MICU1: variants seen among roughly 807,000 people sequenced by gnomAD.
MICU1 encodes calcium uptake protein 1, mitochondrial.
Under a neutral mutation model 56.8 loss-of-function variants are expected in MICU1, and 45 were observed. The observed-to-expected ratio is 0.79, with a 90% CI of 0.62 to 1.02. The LOEUF is 1.02. Ranked by LOEUF, MICU1 falls within the 50% of genes least tolerant of loss-of-function variation. The pLI, the probability that MICU1 is intolerant of heterozygous loss-of-function variation, is 0.00. For missense variants in MICU1, 504 were observed against 587.1 expected (o/e 0.86, Z 1.46); for synonymous variants, 186 against 195.1 (o/e 0.95, Z 0.39).
At position 72,529,819 on chromosome 10, in the gene MICU1, T is replaced by C. The variant is rs1326665874; in HGVS notation, c.537+3927A>G. On this transcript the variant is annotated intron_variant, in intron 5 of 11. Transcript: ENST00000361114. ...TTTGTTTTATATGCCAACTAGATGG[T>C]AAAATCATAAAAGATGATAAATGAA... Among the ~76,000 whole-genome samples, 3 of 151,618 alleles carry C rather than the reference T, an allele frequency of 2.0e-5. No homozygotes were observed. The East Asian group carries it at 5.8e-4, about 29-fold the overall frequency.
intron 3 of MICU1, among the ~76,000 whole-genome samples, chr10:72,551,685 G>A (rs919894924): frequency 6.6e-6 from 1 of 152,156 alleles, no homozygotes; most frequent in Non-Finnish European, 1.5e-5. Context: ...GAAGATTTCA[G>A]TAATAGGGTA....
intron 1 of MICU1, among the ~76,000 whole-genome samples, chr10:72,620,494 C>T (rs959614112): frequency 3.3e-5 from 5 of 152,146 alleles, no homozygotes; most frequent in Non-Finnish European, 7.3e-5. Context: ...CCAAGCACTT[C>T]AAGTTTTAAA....
At chr10:72,493,566 C>A (rs1866738277) in intron 6 of MICU1, among the ~76,000 whole-genome samples, 2 of 152,152 alleles carry the variant, frequency 1.3e-5, no homozygotes, top group African/African-American at 4.8e-5. Flanking sequence ...GATTCTCCCA[C>A]CTCAGCCTCC....
At chr10:72,578,184 T>G (rs776725971) in intron 1 of MICU1, among the ~76,000 whole-genome samples, 10 of 152,180 alleles carry the variant, frequency 6.6e-5, no homozygotes, top group Non-Finnish European at 1.2e-4. Flanking sequence ...GCCATCAACA[T>G]GGAGGCAAGA....
intron 6 of MICU1, among the ~76,000 whole-genome samples, chr10:72,493,775 T>C (rs1423286322): frequency 6.6e-6 from 1 of 152,148 alleles, no homozygotes; most frequent in African/African-American, 2.4e-5. Context: ...TCTAGTTTAT[T>C]TTTTGACCGT....
intron 8 of MICU1, among the ~76,000 whole-genome samples, chr10:72,441,942 A>G (rs562991091): frequency 6.6e-6 from 1 of 152,164 alleles, no homozygotes; most frequent in South Asian, 2.1e-4. Flanking sequence ...TTAAAAAGCA[A>G]CTTGAGAGAG....
chr10:72,613,950 G>C (rs1413883803), intron 1 of MICU1, among the ~76,000 whole-genome samples: 1 of 152,126 alleles, frequency 6.6e-6, no homozygotes, highest in Admixed American at 6.5e-5. Context: ...TTCAAGACCA[G>C]CCTGGCCAAT....
At chr10:72,385,069 G>A (rs527776308) in intron 10 of MICU1, among the ~76,000 whole-genome samples, 4 of 152,220 alleles carry the variant, frequency 2.6e-5, no homozygotes, top group South Asian at 2.1e-4. Flanking sequence ...TTGAGTCCTC[G>A]ATGTAATTCT....
At chr10:72,484,382 C>T (rs566316244) in intron 6 of MICU1, among the ~76,000 whole-genome samples, 26 of 151,370 alleles carry the variant, frequency 1.7e-4, no homozygotes, top group Non-Finnish European at 2.9e-5. Flanking sequence ...AAAAAAAATT[C>T]TCCTGGTGAA....
intron 1 of MICU1, among the ~76,000 whole-genome samples, chr10:72,625,468 G>C (rs376689626): frequency 1.3e-5 from 2 of 152,304 alleles, no homozygotes; most frequent in African/African-American, 4.8e-5. Context: ...AAAACAGGGA[G>C]AACGTAATGA....
chr10:72,623,436 C>CT (rs1842158010), intron 1 of MICU1, among the ~76,000 whole-genome samples: 1 of 151,262 alleles, frequency 6.6e-6, no homozygotes, highest in African/African-American at 2.4e-5. Flanking sequence ...TTGAGTAAAC[C>CT]TTTTTAAAAA....
At chr10:72,585,309 T>C (rs1191040959) in intron 1 of MICU1, among the ~76,000 whole-genome samples, 3 of 152,148 alleles carry the variant, frequency 2.0e-5, no homozygotes, top group African/African-American at 4.8e-5. Context: ...CATTTCAACT[T>C]CAAACCCTGT....
intron 6 of MICU1, among the ~76,000 whole-genome samples, chr10:72,507,465 T>C (rs146221340): frequency 1.5e-4 from 23 of 152,290 alleles, no homozygotes; most frequent in East Asian, 1.2e-3. Flanking sequence ...AAAACAAATA[T>C]TCAACTCAAT....
intron 8 of MICU1, among the ~76,000 whole-genome samples, chr10:72,427,865 C>A (rs898488874): frequency 2.0e-5 from 3 of 151,724 alleles, no homozygotes; most frequent in African/African-American, 7.3e-5. Flanking sequence ...GTTTTTGAAT[C>A]TGATAGTATG....
intron 8 of MICU1, among the ~76,000 whole-genome samples, chr10:72,461,807 C>T (rs1389921100): frequency 6.6e-6 from 1 of 152,144 alleles, no homozygotes; most frequent in East Asian, 1.9e-4. Flanking sequence ...TGAAATTAGC[C>T]AGGTGTGGTG....
chr10:72,591,677 C>G (rs1841228766), intron 1 of MICU1, among the ~76,000 whole-genome samples: 1 of 152,076 alleles, frequency 6.6e-6, no homozygotes, highest in Non-Finnish European at 1.5e-5. Context: ...TAAATCACCC[C>G]AAATTAGAAT....
intron 6 of MICU1, among the ~76,000 whole-genome samples, chr10:72,484,945 G>C (rs1226573017): frequency 6.6e-6 from 1 of 152,114 alleles, no homozygotes; most frequent in Non-Finnish European, 1.5e-5. Context: ...TAACCTGCTA[G>C]CTAGCTATTT....
intron 9 of MICU1, among the ~76,000 whole-genome samples, chr10:72,410,467 A>C (rs1863773009): frequency 6.6e-6 from 1 of 152,098 alleles, no homozygotes; most frequent in African/African-American, 2.4e-5. Flanking sequence ...AAATACAAAA[A>C]TATTAGCCAG....
intron 8 of MICU1, among the ~76,000 whole-genome samples, chr10:72,434,674 G>A (rs1430298018): frequency 1.3e-5 from 2 of 152,178 alleles, no homozygotes; most frequent in Non-Finnish European, 2.9e-5. Context: ...CCAAATTTAG[G>A]AGTTAAGAAC....
Sources: gnomAD v4.1 joint callset for allele counts (sites outside exome capture counted in the v4.1 genomes callset) on GRCh38, gnomAD v4.1.1 for gene constraint, MANE v1.5 for transcripts, NCBI Gene and HGNC (gene_info 2026-07-23, HGNC 2026-07-21) for gene names.